The following PTPRO variants were observed in gnomAD, a reference collection of about 807,000 sequenced individuals.
PTPRO encodes protein tyrosine phosphatase receptor type O, also known as receptor-type tyrosine-protein phosphatase O.
Under a neutral mutation model 145.2 loss-of-function variants are expected in PTPRO, and 62 were observed. The ratio of observed to expected loss-of-function variants is 0.43; its 90% CI spans 0.35 to 0.53. The LOEUF is 0.53. Among genes scored for constraint, PTPRO ranks in the 20% least tolerant of loss-of-function variants. The pLI is 0.01. For missense variants in PTPRO, 1,345 were observed against 1,482.7 expected (o/e 0.91, Z 1.53); for synonymous variants, 565 against 514.7 (o/e 1.10, Z -1.32).
intron 12 of PTPRO, among the ~76,000 whole-genome samples, chr12:15,532,141 A>G (rs994820653): frequency 1.3e-5 from 2 of 152,176 alleles, no homozygotes; most frequent in African/African-American, 4.8e-5. Context: ...CCTATTTGCC[A>G]AGACAAAAGC....
intron 1 of PTPRO, among the ~76,000 whole-genome samples, chr12:15,442,141 G>C (rs1056741150): frequency 6.6e-6 from 1 of 152,052 alleles, no homozygotes; most frequent in Non-Finnish European, 1.5e-5. Context: ...ACATCAAAAA[G>C]CTAATTCACC....
Position 15,516,871 on chromosome 12 carries a change from T to A in PTPRO, c.1694T>A (p.Met565Lys). ...GTGTTCAGAAAATACGTGGTTGAAA[T>A]GTTTTATTTCAACCCTGCTACAATG... is the stretch of plus-strand genomic sequence containing the variant. ...LGVFRKYVVE[M>K]FYFNPATMTS... The change falls in exon 9 of 27, where the codon ATG (methionine) becomes AAG (lysine). Residue 565 changes from methionine to lysine, a missense_variant. This residue lies in a region of PTPRO where 1,130 missense variants were observed against 1,214.7 expected (regional missense o/e 0.93). Coordinates refer to ENST00000281171, the MANE Select transcript of PTPRO (RefSeq NM_030667.3). 6.2e-7 allele frequency: 1 copy of A among 1,613,546 alleles called. No homozygotes were observed. Among genetic ancestry groups the A allele is most frequent in the Non-Finnish European group, 8.5e-7 (1 of 1,179,488 alleles).
intron 23 of PTPRO, among the ~76,000 whole-genome samples, chr12:15,584,757 C>T (rs1944395572): frequency 6.6e-6 from 1 of 152,014 alleles, no homozygotes; most frequent in Non-Finnish European, 1.5e-5. Flanking sequence ...TTTGTTTATA[C>T]CCTTCTTTAT....
intron 1 of PTPRO, among the ~76,000 whole-genome samples, chr12:15,343,507 C>A (rs1867078688): frequency 1.3e-5 from 2 of 151,926 alleles, no homozygotes; most frequent in Admixed American, 6.6e-5. Context: ...GGCAGTATGG[C>A]GAGACCCCTA....
At chr12:15,467,127 G>A (rs1166652690) in intron 1 of PTPRO, among the ~76,000 whole-genome samples, 1 of 152,148 alleles carries the variant, frequency 6.6e-6, no homozygotes, top group Non-Finnish European at 1.5e-5. Context: ...TTAACACAAA[G>A]TAGGCTCTCA....
intron 16 of PTPRO, among the ~76,000 whole-genome samples, chr12:15,558,900 A>G (rs1943705777): frequency 6.6e-6 from 1 of 152,250 alleles, no homozygotes; most frequent in Non-Finnish European, 1.5e-5. Flanking sequence ...GAATTTTGCT[A>G]TTAAAAAACA....
chr12:15,456,312 G>C (rs1941176309), intron 1 of PTPRO, among the ~76,000 whole-genome samples: 1 of 152,102 alleles, frequency 6.6e-6, no homozygotes, highest in South Asian at 2.1e-4. Flanking sequence ...GCATCCCAGG[G>C]ATAAATCTCA....
intron 1 of PTPRO, among the ~76,000 whole-genome samples, chr12:15,473,524 G>C (rs1268962174): frequency 6.6e-6 from 1 of 152,146 alleles, no homozygotes; most frequent in Non-Finnish European, 1.5e-5. Flanking sequence ...CCAGCACTTT[G>C]AGAGTCTGAG....
intron 1 of PTPRO, chr12:15,439,820 G>T (rs993765376): frequency 1.3e-5 from 8 of 612,522 alleles, no homozygotes; most frequent in South Asian, 3.2e-5. Flanking sequence ...TTTCTTGGGG[G>T]CCTCTCTCAA....
At chr12:15,514,629 C>T (rs1942538018) in intron 7 of PTPRO, among the ~76,000 whole-genome samples, 1 of 151,370 alleles carries the variant, frequency 6.6e-6, no homozygotes, top group South Asian at 2.1e-4. Flanking sequence ...CAACACTAGG[C>T]TTCCAGTCCC....
intron 1 of PTPRO, among the ~76,000 whole-genome samples, chr12:15,385,954 T>A (rs1360679863): frequency 6.6e-6 from 1 of 152,024 alleles, no homozygotes; most frequent in Non-Finnish European, 1.5e-5. Context: ...AAAATAATAT[T>A]TCCTTGAGAT....
At chr12:15,479,989 C>T (rs964398674) in intron 1 of PTPRO, among the ~76,000 whole-genome samples, 3 of 152,282 alleles carry the variant, frequency 2.0e-5, no homozygotes, top group East Asian at 1.9e-4. Context: ...AAATTCCTTT[C>T]GGTTGTGTGG....
chr12:15,503,371 C>G (rs1411627719), intron 5 of PTPRO, among the ~76,000 whole-genome samples: 1 of 151,896 alleles, frequency 6.6e-6, no homozygotes, highest in South Asian at 2.1e-4. Context: ...GATCTGAAAG[C>G]AAATGGATAA....
In PTPRO at chr12:15,501,783, C is replaced by T. The variant is rs1407155538; in HGVS notation, c.825C>T (p.Pro275=). The T allele has an allele frequency of 2.5e-6, 4 of 1,613,940 alleles. No individual in the cohort carries two copies. Among genetic ancestry groups the T allele is most frequent in the Admixed American group, 3.3e-5 (2 of 59,980 alleles). The change falls in exon 5 of 27, where the codon CCC becomes CCT. Residue 275 remains proline, a synonymous_variant. Transcript: ENST00000281171. ...TTACAGAAGAAACCCCTGAAATTCC[C>T]TCGGGCAACATTTCTTCCGGTTGGC... ...FHFTEETPEI[P]SGNISSGWPD...
chr12:15,474,539 G>A (rs1230076304), intron 1 of PTPRO, among the ~76,000 whole-genome samples: 2 of 152,152 alleles, frequency 1.3e-5, no homozygotes, highest in Non-Finnish European at 2.9e-5. Context: ...CATTTGTACC[G>A]CTGTTCTCTC....
chr12:15,523,803 A>G (rs537588327), intron 10 of PTPRO, among the ~76,000 whole-genome samples: 42 of 151,348 alleles, frequency 2.8e-4, no homozygotes, highest in Admixed American at 2.7e-3. Context: ...AAATAAAAGT[A>G]ATTTTTTTTT....
intron 2 of PTPRO, among the ~76,000 whole-genome samples, chr12:15,495,117 A>G (rs1942073906): frequency 6.6e-6 from 1 of 152,062 alleles, no homozygotes; most frequent in Admixed American, 6.6e-5. Context: ...TGTTACCTTC[A>G]TGTAGGAAGA....
At chr12:15,500,149 T>C (rs1028828246) in intron 4 of PTPRO, among the ~76,000 whole-genome samples, 10 of 151,828 alleles carry the variant, frequency 6.6e-5, no homozygotes, top group Admixed American at 6.6e-5. Flanking sequence ...AATAAGCATA[T>C]ATCTACTAAG....
intron 1 of PTPRO, among the ~76,000 whole-genome samples, chr12:15,360,388 C>T (rs902530013): frequency 6.6e-6 from 1 of 152,074 alleles, no homozygotes; most frequent in Non-Finnish European, 1.5e-5. Context: ...TATAGTGATA[C>T]ACTCTGTCTC....
Sources: allele counts gnomAD v4.1 joint callset (sites outside exome capture counted in the v4.1 genomes callset), GRCh38; gene constraint gnomAD v4.1.1; regional missense constraint gnomAD v4.1.1; transcripts MANE v1.5; gene names NCBI Gene and HGNC (gene_info 2026-07-23, HGNC 2026-07-21).